Variants in PANK2 observed in about 807,000 individuals in gnomAD.
The protein encoded by PANK2 is pantothenate kinase 2.
In PANK2, 36 loss-of-function variants were observed where a neutral mutation model predicts 43.1. The ratio of observed to expected loss-of-function variants is 0.84; its 90% CI spans 0.64 to 1.10. PANK2 has a LOEUF of 1.10. PANK2 is among the 50% of genes least tolerant of loss of function. The probability of loss-of-function intolerance (pLI) is 0.00; values close to 1 mark genes in which losing one functional copy is unlikely to be tolerated. For synonymous variants in PANK2, 281 were observed against 238.2 expected, an observed-to-expected ratio of 1.18 and a Z score of -1.66; for missense variants, 576 against 593.3, an observed-to-expected ratio of 0.97 and a Z score of 0.30.
intron 4 of PANK2, among the ~76,000 whole-genome samples, chr20:3,915,830 GAT>G (rs1011910310): frequency 1.3e-5 from 2 of 152,140 alleles, no homozygotes; most frequent in African/African-American, 4.8e-5. Context: ...ATGTTCCATT[GAT>G]ATATATGTCT....
At chr20:3,893,333 C>G (rs2090153481) in intron 1 of PANK2, among the ~76,000 whole-genome samples, 1 of 152,172 alleles carries the variant, frequency 6.6e-6, no homozygotes, top group South Asian at 2.1e-4. Flanking sequence ...GTTTTTAAAA[C>G]TTTCCCTCAA....
intron 1 of PANK2, among the ~76,000 whole-genome samples, chr20:3,902,970 TAGACAC>T (rs1262923562): frequency 9.3e-6 from 1 of 107,956 alleles, no homozygotes; most frequent in African/African-American, 4.4e-5. Flanking sequence ...CAGATGTGTA[TAGACAC>T]ACACACACAC....
chr20:3,889,259 C>T (rs1485088384), upstream of PANK2: 4 of 1,612,514 alleles, frequency 2.5e-6, no homozygotes, highest in Non-Finnish European at 3.4e-6. Context: ...TGGACGGAGG[C>T]ACGGTCAATC....
In PANK2 at chr20:3,928,842, GC is replaced by G. The variant is rs2146921519; in HGVS notation, c.*5549del. The G allele has an allele frequency of 6.7e-6, 1 of 150,088 alleles. No individual in the cohort carries two copies. Among genetic ancestry groups the G allele is most frequent in the Non-Finnish European group, 1.5e-5 (1 of 67,648 alleles). 9.3% of individuals were successfully genotyped at this position (150,088 alleles called of 1,614,324 possible). ...GCATAAAGGGAAAATTCTGTAGGAA[GC>G]ATTTTCTTTTCTTGTGTGTTTTTTT... On this transcript the variant is annotated 3_prime_UTR_variant, in exon 7 of 7. Coordinates refer to ENST00000610179, the MANE Select transcript of PANK2 (RefSeq NM_001386393.1).
intron 6 of PANK2, chr20:3,921,996 A>G (rs1203746965): frequency 6.6e-6 from 1 of 152,204 alleles, no homozygotes; most frequent in Admixed American, 6.5e-5. Context: ...CCTGTGAGCC[A>G]CTGCGCCCAG....
chr20:3,913,413 G>A (rs762044287), intron 4 of PANK2, among the ~76,000 whole-genome samples: 3 of 151,656 alleles, frequency 2.0e-5, no homozygotes, highest in East Asian at 1.9e-4. Flanking sequence ...GCGTGATCTC[G>A]GCTCACCACA....
chr20:3,916,658 G>C (rs190490994), intron 4 of PANK2, among the ~76,000 whole-genome samples: 9 of 152,308 alleles, frequency 5.9e-5, no homozygotes, highest in Non-Finnish European at 1.2e-4. Context: ...CATCTGATGA[G>C]ATTCTAACTG....
At chr20:3,899,727 A>G (rs1184864946) in intron 1 of PANK2, among the ~76,000 whole-genome samples, 7 of 74,868 alleles carry the variant, frequency 9.3e-5, no homozygotes, top group Admixed American at 4.0e-4. Flanking sequence ...TTTTTTTTTG[A>G]GATGGAGTCT....
intron 5 of PANK2, 29 bp downstream of exon 5, chr20:3,917,079 T>C (rs754186994): frequency 1.6e-5 from 26 of 1,613,366 alleles, no homozygotes; most frequent in Admixed American, 1.7e-5. Flanking sequence ...CTTTAATTGC[T>C]CTAAGGAAAA....
chr20:3,903,714 A>G (rs1362356746), intron 1 of PANK2, among the ~76,000 whole-genome samples: 3 of 145,228 alleles, frequency 2.1e-5, no homozygotes, highest in East Asian at 4.1e-4. Flanking sequence ...TGCAGCCTCC[A>G]TCTCCTGGGA....
Position 3,907,914 on chromosome 20 carries a change from T to G in PANK2, c.299-12T>G. ...AAAAAGCTGTTCTGACTTATTTTTC[T>G]TCCCCATTTAGTTTTTCCATGGTTT... On this transcript the variant is annotated splice_polypyrimidine_tract_variant and intron_variant, in intron 1 of 6. Transcript: ENST00000610179. The G allele has an allele frequency of 6.2e-7, 1 of 1,612,286 alleles. No individual in the cohort carries two copies.
intron 1 of PANK2, among the ~76,000 whole-genome samples, chr20:3,897,051 C>T (rs1353976292): frequency 6.6e-6 from 1 of 152,152 alleles, no homozygotes; most frequent in Non-Finnish European, 1.5e-5. Flanking sequence ...TCTCCAGGTA[C>T]ATAGTCGTTG....
chr20:3,903,151 T>TC (rs1302866619), intron 1 of PANK2, among the ~76,000 whole-genome samples: 11 of 150,224 alleles, frequency 7.3e-5, no homozygotes, highest in East Asian at 2.0e-4. Flanking sequence ...TTTTTTTTTT[T>TC]TCCCCCTTTT....
chr20:3,915,920 A>G (rs1257987263), intron 4 of PANK2, among the ~76,000 whole-genome samples: 2 of 152,208 alleles, frequency 1.3e-5, no homozygotes, highest in Admixed American at 1.3e-4. Context: ...TGAGTCATCC[A>G]ACTTGTTCTT....
Position 3,889,635 on chromosome 20 carries a change from G to C in PANK2, c.205G>C (p.Ala69Pro). 1 of 1,573,028 alleles carries C rather than the reference G, an allele frequency of 6.4e-7. No individual in the cohort carries two copies. Among genetic ancestry groups the C allele is most frequent in the Non-Finnish European group, 8.6e-7 (1 of 1,168,282 alleles). ...GTCGGTGCCCGCGGTCGGGGCCTCGGCTGAGGGCACGAGGCGGGATCGACT... is the reference window on the plus strand; with the variant it reads ...GTCGGTGCCCGCGGTCGGGGCCTCGCCTGAGGGCACGAGGCGGGATCGACT... Residue 69 changes from alanine to proline, a missense_variant, in exon 1 of 7, where the codon GCT (alanine) becomes CCT (proline). Ala to Pro is a conservative substitution (Grantham distance 27). Coordinates refer to ENST00000610179, the MANE Select transcript of PANK2 (RefSeq NM_001386393.1).
chr20:3,890,050 T>G (rs1393501481), intron 1 of PANK2: 8 of 747,044 alleles, frequency 1.1e-5, no homozygotes, highest in African/African-American at 1.8e-5. Context: ...CGAGAAGGCT[T>G]CTTTTGACTC....
intron 1 of PANK2, among the ~76,000 whole-genome samples, chr20:3,895,476 CT>C (rs1427287899): frequency 8.1e-6 from 1 of 123,206 alleles, no homozygotes; most frequent in Non-Finnish European, 1.6e-5. Flanking sequence ...GAGGGAGACC[CT>C]GTCTCCGTTT....
intron 4 of PANK2, among the ~76,000 whole-genome samples, chr20:3,915,063 G>T (rs2090536435): frequency 6.6e-6 from 1 of 152,080 alleles, no homozygotes; most frequent in East Asian, 1.9e-4. Flanking sequence ...CAAATGTTTT[G>T]TCCCATTTTG....
At chr20:3,903,268 C>T (rs1600520051) in intron 1 of PANK2, among the ~76,000 whole-genome samples, 2 of 151,646 alleles carry the variant, frequency 1.3e-5, no homozygotes, top group South Asian at 4.2e-4. Flanking sequence ...CTGCTTCAGC[C>T]TCCCGAGTAG....
Sources: allele counts gnomAD v4.1 joint callset (sites outside exome capture counted in the v4.1 genomes callset), GRCh38; gene constraint gnomAD v4.1.1; transcripts MANE v1.5; gene names NCBI Gene and HGNC (gene_info 2026-07-23, HGNC 2026-07-21).